MELTF: variants seen among roughly 807,000 people sequenced by gnomAD.
The protein encoded by MELTF is antigen p97 (melanoma associated) identified by monoclonal antibodies 133.2 and 96.5.
Under a neutral mutation model 83.7 loss-of-function variants are expected in MELTF, and 67 were observed. That is an observed-to-expected ratio of 0.80 (90% CI 0.66 to 0.98). The LOEUF is 0.98. Ranked by LOEUF, MELTF falls within the 50% of genes least tolerant of loss-of-function variation. The pLI, the probability that MELTF is intolerant of heterozygous loss-of-function variation, is 0.00. For missense variants in MELTF, 1,002 were observed against 1,035.6 expected (o/e 0.97, Z 0.44); for synonymous variants, 462 against 447.6 (o/e 1.03, Z -0.41).
Position 197,019,100 on chromosome 3 carries a change from G to A in MELTF, c.713-1810C>T, listed in dbSNP as rs1229988733. The A allele has an allele frequency of 1.0e-5, 10 of 985,770 alleles. No individual in the cohort carries two copies. In the South Asian group the frequency reaches 3.3e-4, roughly 32 times the overall value. The allele number at this position is 985,770 out of a possible 1,614,324, so 61.1% of individuals were successfully genotyped here. ...CAAAACCAAACACCCGCACCAGAGT[G>A]ATCGTTTAGGAAAACTCCCTAAAGG... On this transcript the variant is annotated intron_variant, in intron 6 of 15. Transcript: ENST00000296350.
intron 9 of MELTF, among the ~76,000 whole-genome samples, chr3:197,013,550 C>T (rs997494424): frequency 6.6e-6 from 1 of 152,180 alleles, no homozygotes; most frequent in Non-Finnish European, 1.5e-5. Flanking sequence ...AGTTTCTGCA[C>T]AGCAGAGAAA....
In MELTF at chr3:197,006,613, T is replaced by A; in HGVS notation, c.1874A>T (p.His625Leu). The change falls in exon 14 of 16, where the codon CAC becomes CTC. Residue 625 changes from histidine (H) to leucine (L), a missense_variant. Physicochemically the swap from His to Leu is moderately conservative, Grantham distance 99. Transcript: ENST00000296350. This position sits in a 1 kb window ranked among gnomAD's most constrained non-coding sequence, Gnocchi z 5.4. ...AACNLAQIPP[H>L]AVMVRPDTNI... ...GGTGTCGGGCCGGACCATCACGGCG[T>A]GGGGTGGTATCTGTGCCAGGTTGCA... 2 of 1,613,358 alleles carry A rather than the reference T, an allele frequency of 1.2e-6. No individual in the cohort carries two copies. Among genetic ancestry groups the A allele is most frequent in the Non-Finnish European group, 1.7e-6 (2 of 1,179,616 alleles).
chr3:197,003,856 G>C lies in MELTF; in HGVS notation c.2137+45C>G. 6.3e-7 allele frequency: 1 copy of C among 1,593,368 alleles called. No individual in the cohort carries two copies. The highest frequency in any genetic ancestry group is 8.6e-7 in the Non-Finnish European group (1 of 1,167,142). ...CTCCCTCAGGGTTCTGGGGTGAAGGGGTCTGAATAGCACCAGGGGAGGCGG... is the reference window on the plus strand; with the variant it reads ...CTCCCTCAGGGTTCTGGGGTGAAGGCGTCTGAATAGCACCAGGGGAGGCGG... On this transcript the variant is annotated intron_variant, in intron 15 of 15. Transcript: ENST00000296350. This position sits in a 1 kb window ranked among gnomAD's most constrained non-coding sequence, Gnocchi z 6.2.
rs1201769979 is a variant in MELTF, at chr3:197,026,723, C to A, written c.241G>T (p.Ala81Ser). The change falls in exon 3 of 16, where the codon GCC becomes TCC. Residue 81 changes from alanine (A) to serine (S), a missense_variant. Coordinates refer to ENST00000296350, the MANE Select transcript of MELTF (RefSeq NM_005929.6). ...EADAITLDGG[A>S]IYEAGKEHGL... Reference sequence around the variant, plus strand: ...TGCTCCTTTCCCGCCTCATAGATGGCTCCTCCATCCAGAGTGATGGCGTCA... The same window carrying A: ...TGCTCCTTTCCCGCCTCATAGATGGATCCTCCATCCAGAGTGATGGCGTCA... 9 of 1,613,192 alleles carry A rather than the reference C, an allele frequency of 5.6e-6. No homozygotes were observed. The highest frequency in any genetic ancestry group is 1.6e-4 in the Middle Eastern group (1 of 6,084).
chr3:197,024,821 A>G lies in MELTF; in HGVS notation c.305-336T>C, dbSNP rs922084503. Among the ~76,000 whole-genome samples, 2 of 152,226 alleles carry G rather than the reference A, an allele frequency of 1.3e-5. No individual in the cohort carries two copies. Among genetic ancestry groups the G allele is most frequent in the Non-Finnish European group, 2.9e-5 (2 of 68,036 alleles). ...TTTAGCTGGACAGAAAGCAGAAGCC[A>G]GCAAGTCCTTGCTTTCCAAGAGCCT... On this transcript the variant is annotated intron_variant, in intron 3 of 15. Coordinates refer to ENST00000296350, the MANE Select transcript of MELTF (RefSeq NM_005929.6). This position sits in a 1 kb window ranked among gnomAD's most constrained non-coding sequence, Gnocchi z 5.3.
At chr3:197,023,852 GTTGGGCTGATGAGCCAC>G (rs1719731663) in intron 4 of MELTF, 1 of 457,988 alleles carries the variant, frequency 2.2e-6, no homozygotes, top group Non-Finnish European at 4.4e-6. Flanking sequence ...TACACGGCTG[GTTGGGCTGATGAGCCAC>G]TTGGGAGCTT....
Position 197,007,597 on chromosome 3 carries a change from G to A in MELTF, c.1751-861C>T, listed in dbSNP as rs934484538. 2.0e-5 allele frequency among the ~76,000 whole-genome samples: 3 copies of A among 152,172 alleles called. No individual in the cohort carries two copies. Among genetic ancestry groups the A allele is most frequent in the East Asian group, 1.9e-4 (1 of 5,176 alleles). ...GGGACCAGGCAGGCCCGCTGGGCTC[G>A]TGCAGGAGCACACAGCCCCTCCCTG... On this transcript the variant is annotated intron_variant, in intron 13 of 15. Transcript: ENST00000296350. This position sits in a 1 kb window ranked among gnomAD's most constrained non-coding sequence, Gnocchi z 4.3.
chr3:197,017,328 A>AG, intron 6 of MELTF, 38 bp from the exon 7 acceptor site: 3 of 1,481,934 alleles, frequency 2.0e-6, no homozygotes, highest in Non-Finnish European at 2.7e-6. Context: ...CAGCTCCGAA[A>AG]GGGGTTGGGG....
Position 197,016,901 on chromosome 3 carries a change from C to T in MELTF, c.900+202G>A, listed in dbSNP as rs375329809. Among the ~76,000 whole-genome samples the T allele has an allele frequency of 2.7e-4, 41 of 152,324 alleles. No individual in the cohort carries two copies. In the East Asian group the frequency reaches 7.3e-3, roughly 27 times the overall value. On this transcript the variant is annotated intron_variant, in intron 7 of 15. Coordinates refer to ENST00000296350, the MANE Select transcript of MELTF (RefSeq NM_005929.6). ...GGTGCCTGAATCCCTGGGTCCCCCTCCTCTGGGCCCCCCTCTCCTGGCCAG... is the reference window on the plus strand; with the variant it reads ...GGTGCCTGAATCCCTGGGTCCCCCTTCTCTGGGCCCCCCTCTCCTGGCCAG...
rs371202439 is a variant in MELTF at position 197,004,111 on chromosome 3, G to A, written c.1939-12C>T. The A allele has an allele frequency of 4.3e-6, 7 of 1,613,624 alleles. No homozygotes were observed. In the Admixed American group the frequency reaches 1.0e-4, roughly 23 times the overall value. ...TCTCCAAACAGGTCCTGGAAGCACC[G>A]CAGGCAGACGACCTGCTCCTCACTG... On this transcript the variant is annotated splice_polypyrimidine_tract_variant and intron_variant, in intron 14 of 15. Coordinates refer to ENST00000296350, the MANE Select transcript of MELTF (RefSeq NM_005929.6).
Position 197,024,411 on chromosome 3 carries a change from C to T in MELTF, c.379G>A (p.Val127Met), listed in dbSNP as rs201547462. ...TTGATGCCCGTGTGGCAGGACTTCA[C>T]GCCTTTCAGGGTGTCAATGGTCACA... Reference protein sequence around the residue: ...SHVTIDTLKGVKSCHTGINRT... With the variant: ...SHVTIDTLKGMKSCHTGINRT... The change falls in exon 4 of 16, where the codon GTG becomes ATG. Residue 127 changes from valine to methionine, a missense_variant. Val to Met is a conservative substitution (Grantham distance 21). Coordinates refer to ENST00000296350, the MANE Select transcript of MELTF (RefSeq NM_005929.6). The surrounding 1 kb of genome is among the most constrained non-coding windows in gnomAD (Gnocchi z 5.3). 6.2e-6 allele frequency: 10 copies of T among 1,610,596 alleles called. No homozygotes were observed. Among genetic ancestry groups the T allele is most frequent in the Middle Eastern group, 1.8e-4 (1 of 5,578 alleles).
chr3:197,012,668 G>A (rs925742741), intron 9 of MELTF, among the ~76,000 whole-genome samples: 4 of 152,248 alleles, frequency 2.6e-5, no homozygotes, highest in Non-Finnish European at 1.5e-5. Context: ...CTGGACACCC[G>A]TGACCACAGC....
At chr3:197,010,828 T>G (rs770082952) in intron 9 of MELTF, 34 bp from the exon 10 acceptor site, 2 of 1,592,776 alleles carry the variant, frequency 1.3e-6, no homozygotes, top group African/African-American at 1.3e-5. Flanking sequence ...TGGGCCGGGG[T>G]GGGCCCAGGA....
intron 3 of MELTF, chr3:197,025,482 C>T (rs530928609): frequency 6.6e-6 from 1 of 152,480 alleles, no homozygotes; most frequent in East Asian, 1.9e-4. Flanking sequence ...CCCCGCAACC[C>T]TCGTTTTCTC....
rs557622131 is a variant in MELTF, at chr3:197,021,559, G to A, written c.645-88C>T. 5.4e-6 allele frequency: 7 copies of A among 1,297,612 alleles called. No individual in the cohort carries two copies. The East Asian group carries it at 9.5e-5, about 18-fold the overall frequency. The allele number at this position is 1,297,612 out of a possible 1,614,324, so 80.4% of individuals were successfully genotyped here. A position where few individuals can be genotyped will look rare whatever the true frequency, so the allele number is the denominator to read the frequency against. On this transcript the variant is annotated intron_variant, in intron 5 of 15. Transcript: ENST00000296350. ...CTGGAGGCCTGGCTTGGGCTGTAGGGGTGGCCATGATGGGCATGGGCTTTC... is the reference window on the plus strand; with the variant it reads ...CTGGAGGCCTGGCTTGGGCTGTAGGAGTGGCCATGATGGGCATGGGCTTTC...
Position 197,017,088 on chromosome 3 carries a change from G to A in MELTF, c.900+15C>T. On this transcript the variant is annotated intron_variant, in intron 7 of 15. Transcript: ENST00000296350. ...CTAGGAAGCTGTGCAGGTGGTTGGGGGACCCTGAGCCCACCTGGCCTTCGT... is the reference window on the plus strand; with the variant it reads ...CTAGGAAGCTGTGCAGGTGGTTGGGAGACCCTGAGCCCACCTGGCCTTCGT... 1.2e-6 allele frequency: 2 copies of A among 1,608,396 alleles called. No homozygotes were observed. Among genetic ancestry groups the A allele is most frequent in the Non-Finnish European group, 1.7e-6 (2 of 1,178,452 alleles).
In MELTF at chr3:197,019,580, A is replaced by C. The variant is rs549135388; in HGVS notation, c.712+1824T>G. 417 of 1,583,144 alleles carry C rather than the reference A, an allele frequency of 2.6e-4. 5 individuals are homozygous for C. The South Asian group carries it at 4.3e-3, about 16-fold the overall frequency. ...TGGTGAGACCCCCATCTCAAAAAAA[A>C]CCCCAAGTTTGAAAGAGCTGATTCT... On this transcript the variant is annotated intron_variant, in intron 6 of 15. Transcript: ENST00000296350.
chr3:197,029,451 C>G lies in MELTF; in HGVS notation c.49+203G>C, dbSNP rs1182282446. On this transcript the variant is annotated intron_variant, in intron 1 of 15. Coordinates refer to ENST00000296350, the MANE Select transcript of MELTF (RefSeq NM_005929.6). The surrounding 1 kb of genome is among the most constrained non-coding windows in gnomAD (Gnocchi z 6.5). Reference sequence around the variant, plus strand: ...CCTCGGGTGTTCGAGGCCGCCTCCTCCAAGAAGCCTTCCAGACTTCCCCGT... The same window carrying G: ...CCTCGGGTGTTCGAGGCCGCCTCCTGCAAGAAGCCTTCCAGACTTCCCCGT... Among the ~76,000 whole-genome samples the G allele has an allele frequency of 3.3e-5, 5 of 152,174 alleles. No individual in the cohort carries two copies. The highest frequency in any genetic ancestry group is 7.4e-5 in the Non-Finnish European group (5 of 67,996).
rs775456204 is a variant in MELTF at position 197,017,179 on chromosome 3, C to T, written c.824G>A (p.Arg275Gln). 12 of 1,608,558 alleles carry T rather than the reference C, an allele frequency of 7.5e-6. No individual in the cohort carries two copies. Among genetic ancestry groups the T allele is most frequent in the South Asian group, 2.2e-5 (2 of 89,658 alleles). The change falls in exon 7 of 16, where the codon CGG (arginine) becomes CAG (glutamine). Residue 275 changes from arginine to glutamine, a missense_variant. Transcript: ENST00000296350. ...GACCACCACGGCGTGAGCAGGCACC[C>T]GGGCCAGATGGCACTGCCTCCACTC... Reference protein sequence around the residue: ...VTEWRQCHLARVPAHAVVVRA... With the variant: ...VTEWRQCHLAQVPAHAVVVRA...
Sources: allele counts gnomAD v4.1 joint callset (sites outside exome capture counted in the v4.1 genomes callset), GRCh38; gene constraint gnomAD v4.1.1; non-coding constraint Gnocchi (gnomAD v3.1); transcripts MANE v1.5; gene names NCBI Gene and HGNC (gene_info 2026-07-23, HGNC 2026-07-21).